Variants in SGCD observed in about 807,000 individuals in gnomAD.
SGCD encodes the protein sarcoglycan delta.
SGCD carries 18 observed loss-of-function variants against 36.6 expected under a neutral mutation model. The ratio of observed to expected loss-of-function variants is 0.49; its 90% confidence interval spans 0.34 to 0.73. The LOEUF (loss-of-function observed/expected upper bound fraction) is 0.73, where lower values mean the gene tolerates loss of function less well. Among genes scored for constraint, SGCD ranks in the 30% least tolerant of loss-of-function variants. The pLI is 0.01. For missense variants in SGCD, 387 were observed against 346.7 expected (o/e 1.12, Z -0.92); for synonymous variants, 133 against 130.6 (o/e 1.02, Z -0.12).
At chr5:156,191,350 A>G (rs1014651807) in intron 3 of SGCD, among the ~76,000 whole-genome samples, 9 of 152,152 alleles carry the variant, frequency 5.9e-5, no homozygotes, top group South Asian at 2.1e-4. Flanking sequence ...TCACCAAAGG[A>G]TGGATTTATT....
In SGCD at chr5:156,367,416, A is replaced by G. The variant is rs560311801; in HGVS notation, c.192+22739A>G. ...AACCTTAAGAGGTATATGTTTTCCAAACCTTGAGAGGAAAGGGTAGGAAAT... is the reference window on the plus strand; with the variant it reads ...AACCTTAAGAGGTATATGTTTTCCAGACCTTGAGAGGAAAGGGTAGGAAAT... On this transcript the variant is annotated intron_variant, in intron 3 of 8. Transcript: ENST00000337851. 2.8e-4 allele frequency among the ~76,000 whole-genome samples: 42 copies of G among 152,334 alleles called. No individual in the cohort carries two copies. The South Asian group carries it at 8.1e-3, about 29-fold the overall frequency.
At chr5:156,468,201 C>T (rs1360344118) in intron 3 of SGCD, among the ~76,000 whole-genome samples, 1 of 151,774 alleles carries the variant, frequency 6.6e-6, no homozygotes, top group Non-Finnish European at 1.5e-5. Context: ...TTAAAATATG[C>T]ATGGTGGTGC....
At chr5:156,507,471 T>C (rs1429928533) in intron 3 of SGCD, among the ~76,000 whole-genome samples, 1 of 152,168 alleles carries the variant, frequency 6.6e-6, no homozygotes, top group African/African-American at 2.4e-5. Context: ...CACAGAACTG[T>C]AAGATAATAA....
chr5:156,061,059 T>C lies in SGCD; in HGVS notation c.-281-56819T>C, dbSNP rs1348068717. Among the ~76,000 whole-genome samples the C allele has an allele frequency of 3.5e-5, 5 of 144,852 alleles. 1 individual carries two copies. Among genetic ancestry groups the C allele is most frequent in the Non-Finnish European group, 3.1e-5 (2 of 64,428 alleles). ...CATTCCTGAAAATGGCAGCTATTGT[T>C]AAAAAAAATAAAAATCTATTCAAGA... is the stretch of plus-strand genomic sequence containing the variant. On this transcript the variant is annotated intron_variant, in intron 1 of 9. Coordinates refer to the SGCD transcript ENST00000517913.
chr5:156,412,799 T>C (rs996826163), intron 3 of SGCD, among the ~76,000 whole-genome samples: 2 of 149,130 alleles, frequency 1.3e-5, no homozygotes, highest in African/African-American at 4.9e-5. Context: ...TTTTTTTTTT[T>C]TTTTTTTGAG....
chr5:156,054,092 A>G (rs1439168951), intron 1 of SGCD, among the ~76,000 whole-genome samples: 1 of 145,678 alleles, frequency 6.9e-6, no homozygotes, highest in Admixed American at 6.9e-5. Context: ...GGCAAATCAT[A>G]TATATTTGGG....
chr5:156,148,820 A>T (rs1267208048), intron 3 of SGCD, among the ~76,000 whole-genome samples: 5 of 152,260 alleles, frequency 3.3e-5, no homozygotes, highest in Non-Finnish European at 7.4e-5. Flanking sequence ...ATCTATATCT[A>T]ATCTTTAGGG....
intron 7 of SGCD, among the ~76,000 whole-genome samples, chr5:156,701,484 G>C (rs1008212860): frequency 6.6e-6 from 1 of 152,046 alleles, no homozygotes; most frequent in African/African-American, 2.4e-5. Context: ...ACAATTGACT[G>C]TTTATGCTTT....
intron 3 of SGCD, among the ~76,000 whole-genome samples, chr5:156,249,616 C>T (rs1186662389): frequency 2.0e-5 from 3 of 152,022 alleles, no homozygotes; most frequent in Non-Finnish European, 4.4e-5. Context: ...CTCTGCCTAC[C>T]GTCACATGAC....
chr5:155,865,419 C>A (rs1232082423), upstream of SGCD, among the ~76,000 whole-genome samples: 1 of 152,016 alleles, frequency 6.6e-6, no homozygotes, highest in Non-Finnish European at 1.5e-5. Context: ...TGAAGAAAAT[C>A]TGGTCTCATA....
intron 6 of SGCD, among the ~76,000 whole-genome samples, chr5:156,607,751 A>C (rs1052223871): frequency 1.3e-5 from 2 of 152,230 alleles, no homozygotes; most frequent in East Asian, 1.9e-4. Flanking sequence ...CAGAGATTCA[A>C]CTTCTTCCTG....
At chr5:155,786,331 G>A in the SGCD span, among the ~76,000 whole-genome samples, 12 of 152,220 alleles carry the variant, frequency 7.9e-5, no homozygotes, top group Non-Finnish European at 1.5e-4. Context: ...CCAGCCCCAG[G>A]CAGAAACAGT....
intron 2 of SGCD, among the ~76,000 whole-genome samples, chr5:156,340,499 T>A (rs1768594267): frequency 1.3e-5 from 2 of 152,204 alleles, no homozygotes; most frequent in African/African-American, 4.8e-5. Flanking sequence ...CTGCAAACCA[T>A]ATAAATATAT....
At chr5:156,186,447 C>A (rs555120395) in intron 3 of SGCD, among the ~76,000 whole-genome samples, 1 of 152,222 alleles carries the variant, frequency 6.6e-6, no homozygotes, top group South Asian at 2.1e-4. Context: ...CTTCTAAAAC[C>A]ACTTTAGGAC....
intron 6 of SGCD, among the ~76,000 whole-genome samples, chr5:156,608,737 G>T (rs1362837651): frequency 6.6e-6 from 1 of 152,134 alleles, no homozygotes; most frequent in Non-Finnish European, 1.5e-5. Flanking sequence ...CCTGTATTGG[G>T]TGCCTATATA....
At chr5:156,140,601 C>A (rs997517429) in intron 3 of SGCD, among the ~76,000 whole-genome samples, 1 of 151,964 alleles carries the variant, frequency 6.6e-6, no homozygotes, top group African/African-American at 2.4e-5. Context: ...TATCTCTAGG[C>A]GGAGTGTTTA....
At chr5:156,191,098 A>G (rs748938993) in intron 3 of SGCD, among the ~76,000 whole-genome samples, 4 of 152,156 alleles carry the variant, frequency 2.6e-5, no homozygotes, top group Non-Finnish European at 5.9e-5. Flanking sequence ...AGTGTAATAG[A>G]TGGGAACGAA....
At chr5:156,120,162 C>T (rs1762001923) in intron 2 of SGCD, among the ~76,000 whole-genome samples, 1 of 152,042 alleles carries the variant, frequency 6.6e-6, no homozygotes, top group Admixed American at 6.6e-5. Flanking sequence ...TTTACTGTGC[C>T]ATGTGGCATC....
chr5:156,723,914 A>T (rs911874844), intron 7 of SGCD, among the ~76,000 whole-genome samples: 1 of 152,118 alleles, frequency 6.6e-6, no homozygotes, highest in Non-Finnish European at 1.5e-5. Context: ...ATTTGTATTT[A>T]TAAGAGATCA....
Sources: gnomAD v4.1 joint callset for allele counts (sites outside exome capture counted in the v4.1 genomes callset) on GRCh38, gnomAD v4.1.1 for gene constraint, MANE v1.5 for transcripts, NCBI Gene and HGNC (gene_info 2026-07-23, HGNC 2026-07-21) for gene names.